Variants in SYNE2 observed in about 807,000 individuals in gnomAD.
SYNE2 encodes the protein spectrin repeat containing nuclear envelope protein 2.
In SYNE2, 431 loss-of-function variants were observed where a neutral mutation model predicts 856.3. The ratio of observed to expected loss-of-function variants is 0.50; its 90% CI spans 0.47 to 0.55. The LOEUF (loss-of-function observed/expected upper bound fraction) is 0.55. Ranked by LOEUF, SYNE2 falls within the 20% of genes least tolerant of loss-of-function variation. The probability of loss-of-function intolerance (pLI) is 0.00; values close to 1 mark genes in which losing one functional copy is unlikely to be tolerated. For synonymous variants in SYNE2, 2,923 were observed against 2,872.3 expected (o/e 1.02, Z -0.56); for missense variants, 8,129 against 8,023.2 (o/e 1.01, Z -0.50).
rs191961662 is a variant in SYNE2, at chr14:63,881,249, G to A, written c.-51-27849G>A. Among the ~76,000 whole-genome samples, 170 of 152,174 alleles carry A rather than the reference G, an allele frequency of 1.1e-3. 2 individuals are homozygous for A. In the South Asian group the frequency reaches 0.016, roughly 15 times the overall value. On this transcript the variant is annotated intron_variant, in intron 1 of 115. Coordinates refer to ENST00000555002, the MANE Select transcript of SYNE2 (RefSeq NM_182914.3). Reference sequence around the variant, plus strand: ...CCGCCTTGGCTTCCCAGAATGTTGGGTTTGTAGGTGTGAGCCACCATACCC... The same window carrying A: ...CCGCCTTGGCTTCCCAGAATGTTGGATTTGTAGGTGTGAGCCACCATACCC...
intron 16 of SYNE2, among the ~76,000 whole-genome samples, chr14:63,982,289 A>G (rs956871173): frequency 6.6e-6 from 1 of 152,198 alleles, no homozygotes; most frequent in Non-Finnish European, 1.5e-5. Flanking sequence ...ATGTAGAAAG[A>G]GATAAGATGC....
intron 88 of SYNE2, chr14:64,162,814 T>C: frequency 4.9e-6 from 1 of 203,432 alleles, no homozygotes; most frequent in Non-Finnish European, 1.0e-5. Flanking sequence ...TTTTGTATCT[T>C]CTGCTACTGT....
Position 64,017,661 on chromosome 14 carries a change from T to C in SYNE2, c.4954T>C (p.Phe1652Leu), listed in dbSNP as rs765661730. ...GRALALWDKL[F>L]NLKNVIDEWT... The stretch of plus-strand genomic sequence containing the variant: ...AGCTCTAGCTTTGTGGGACAAACTT[T>C]TTAACTTAAAAAATGTCATTGATGA... Residue 1652 changes from phenylalanine (F) to leucine (L), a missense_variant, in exon 34 of 116, where the codon TTT (phenylalanine) becomes CTT (leucine). Around this residue, in one of 3 missense-constraint regions of SYNE2, gnomAD observed 2,422 missense variants for 2,357.4 expected, o/e 1.03. Transcript: ENST00000555002. 6.2e-7 allele frequency: 1 copy of C among 1,613,682 alleles called. No homozygotes were observed. Among genetic ancestry groups the C allele is most frequent in the South Asian group, 1.1e-5 (1 of 91,082 alleles).
chr14:64,183,182 G>C (rs1158516969), intron 96 of SYNE2, among the ~76,000 whole-genome samples: 1 of 147,296 alleles, frequency 6.8e-6, no homozygotes, highest in Non-Finnish European at 1.5e-5. Context: ...GGGCAGAGAC[G>C]CTCCTCACTT....
At chr14:64,138,954 T>TATG (rs1365192307) in intron 79 of SYNE2, among the ~76,000 whole-genome samples, 6 of 108,814 alleles carry the variant, frequency 5.5e-5, no homozygotes, top group African/African-American at 1.8e-4. Context: ...ATGGTGTGTG[T>TATG]GTGTGTGTGT....
Position 64,051,974 on chromosome 14 carries a change from A to G in SYNE2, c.8061A>G (p.Glu2687=). ...HGFSVLKGQA[E]LQMKRIWGEK... ...TTTCTGTTTTAAAGGGGCAAGCTGA[A>G]CTTCAGATGAAGAGGATTTGGGGAG... The change falls in exon 48 of 116, where the codon GAA becomes GAG. Residue 2687 remains glutamate (E), a synonymous_variant. Transcript: ENST00000555002. 1 of 1,613,986 alleles carries G rather than the reference A, an allele frequency of 6.2e-7. No homozygotes were observed. Among genetic ancestry groups the G allele is most frequent in the South Asian group, 1.1e-5 (1 of 91,078 alleles).
At chr14:64,157,725 A>T (rs1405072164) in intron 85 of SYNE2, among the ~76,000 whole-genome samples, 1 of 152,220 alleles carries the variant, frequency 6.6e-6, no homozygotes, top group African/African-American at 2.4e-5. Flanking sequence ...CAGTTTTTCC[A>T]CATCGTCACC....
At chr14:63,885,907 A>G (rs569719110) in intron 1 of SYNE2, among the ~76,000 whole-genome samples, 1 of 152,316 alleles carries the variant, frequency 6.6e-6, no homozygotes, top group African/African-American at 2.4e-5. Flanking sequence ...ATGGGGAGAT[A>G]ATAGTCTAAT....
chr14:64,041,098 A>G (rs2097145129), intron 45 of SYNE2, among the ~76,000 whole-genome samples: 1 of 152,212 alleles, frequency 6.6e-6, no homozygotes, highest in African/African-American at 2.4e-5. Flanking sequence ...CTGTCAACCT[A>G]GCTGAATTAT....
chr14:64,127,583 G>A (rs2097960848), intron 73 of SYNE2, among the ~76,000 whole-genome samples: 1 of 152,126 alleles, frequency 6.6e-6, no homozygotes, highest in African/African-American at 2.4e-5. Context: ...GAGCCATTAA[G>A]GTTTTTGAGC....
At position 63,979,640 on chromosome 14, in the gene SYNE2, C is replaced by T. The variant is rs558741445; in HGVS notation, c.1569+626C>T. 2.7e-4 allele frequency among the ~76,000 whole-genome samples: 41 copies of T among 152,290 alleles called. No individual in the cohort carries two copies. The East Asian group carries it at 4.0e-3, about 15-fold the overall frequency. On this transcript the variant is annotated intron_variant, in intron 14 of 115. Transcript: ENST00000555002. ...AGATGAGGTGGGGTGGGGCTGGGCG[C>T]GGTGGCGCACACCTGTAATCCCAAC...
Position 64,107,434 on chromosome 14 carries a change from A to C in SYNE2, c.12493-57A>C, listed in dbSNP as rs2097778691. 6.2e-6 allele frequency: 9 copies of C among 1,448,292 alleles called. No individual in the cohort carries two copies. The South Asian group carries it at 8.0e-5, about 13-fold the overall frequency. 89.7% of individuals were successfully genotyped at this position (1,448,292 alleles called of 1,614,324 possible). On this transcript the variant is annotated intron_variant, in intron 64 of 115. Coordinates refer to ENST00000555002, the MANE Select transcript of SYNE2 (RefSeq NM_182914.3). ...TAAAATGAGCATGCGCAGAAAGAAG[A>C]ATTCATGTGGCACCAGGGCAGGACC...
At chr14:63,823,204 GT>G (rs1889292929) in intron 1 of SYNE2, among the ~76,000 whole-genome samples, 2 of 150,940 alleles carry the variant, frequency 1.3e-5, no homozygotes, top group Non-Finnish European at 3.0e-5. Context: ...TTGAGACGGA[GT>G]TTCATTTTTG....
chr14:64,114,668 A>G (rs1447488901), intron 66 of SYNE2, among the ~76,000 whole-genome samples: 2 of 150,250 alleles, frequency 1.3e-5, no homozygotes, highest in Admixed American at 1.3e-4. Context: ...CCCAAGCTGG[A>G]GTGCAGTGGA....
At chr14:63,928,315 T>G (rs2095698359) in intron 2 of SYNE2, among the ~76,000 whole-genome samples, 1 of 152,192 alleles carries the variant, frequency 6.6e-6, no homozygotes, top group Admixed American at 6.5e-5. Flanking sequence ...CCCATAGTGA[T>G]AACGTAAATT....
intron 1 of SYNE2, among the ~76,000 whole-genome samples, chr14:63,840,667 G>A (rs1456763065): frequency 2.6e-5 from 4 of 151,974 alleles, no homozygotes; most frequent in Non-Finnish European, 5.9e-5. Context: ...TCTGTTCATC[G>A]CCATTACATG....
chr14:64,122,407 C>T lies in SYNE2; in HGVS notation c.13402C>T (p.Pro4468Ser). The T allele has an allele frequency of 6.2e-7, 1 of 1,614,170 alleles. No homozygotes were observed. Among genetic ancestry groups the T allele is most frequent in the Non-Finnish European group, 8.5e-7 (1 of 1,180,034 alleles). The change falls in exon 70 of 116, where the codon CCT (proline) becomes TCT (serine). Residue 4468 changes from proline (P) to serine (S), a missense_variant. Pro to Ser is a moderately conservative substitution (Grantham distance 74). Coordinates refer to ENST00000555002, the MANE Select transcript of SYNE2 (RefSeq NM_182914.3). ...CTCATCAAAAATAAAGCTCCCACTC[C>T]CTCAGCTTGTGGAGCCTCAGGTCAG... ...ELSSKIKLPLPQLVEPQVSTN... is the reference protein window; with the variant it reads ...ELSSKIKLPLSQLVEPQVSTN...
chr14:63,980,577 C>A, intron 14 of SYNE2, 77 bp from the exon 15 acceptor site: 2 of 937,468 alleles, frequency 2.1e-6, no homozygotes, highest in Non-Finnish European at 3.4e-6. Context: ...CGTTGAATGG[C>A]TGTATCTCAC....
In SYNE2 at chr14:64,120,845, A is replaced by G. The variant is rs576862716; in HGVS notation, c.13024-82A>G. ...CATTTATTTCATGTAAAATTTTTCT[A>G]TGTAGTCCCATTATTAGAATTGAGA... On this transcript the variant is annotated intron_variant, in intron 67 of 115. Transcript: ENST00000555002. 140 of 1,423,486 alleles carry G rather than the reference A, an allele frequency of 9.8e-5. No homozygotes were observed. In the African/African-American group the frequency reaches 1.6e-3, roughly 16 times the overall value. 88.2% of individuals were successfully genotyped at this position (1,423,486 alleles called of 1,614,324 possible).
Sources: allele counts gnomAD v4.1 joint callset (sites outside exome capture counted in the v4.1 genomes callset), GRCh38; gene constraint gnomAD v4.1.1; regional missense constraint gnomAD v4.1.1; transcripts MANE v1.5; gene names NCBI Gene and HGNC (gene_info 2026-07-23, HGNC 2026-07-21).